The following NCAPG2 variants were observed in gnomAD, a reference collection of about 807,000 sequenced individuals.
NCAPG2 encodes the protein condensin-2 complex subunit G2.
NCAPG2 carries 53 observed loss-of-function variants against 141.1 expected under a neutral mutation model. The observed-to-expected ratio is 0.38, with a 90% CI of 0.30 to 0.47. The LOEUF (loss-of-function observed/expected upper bound fraction) is 0.47. NCAPG2 is among the 20% of genes least tolerant of loss of function. The pLI is 0.99. For synonymous variants in NCAPG2, 499 were observed against 490.7 expected, an observed-to-expected ratio of 1.02 and a Z score of -0.22; for missense variants, 1,087 against 1,389.0, an observed-to-expected ratio of 0.78 and a Z score of 3.46.
intron 2 of NCAPG2, among the ~76,000 whole-genome samples, chr7:158,700,992 CCA>C (rs1292947445): frequency 1.3e-5 from 2 of 152,210 alleles, no homozygotes; most frequent in African/African-American, 4.8e-5. Context: ...CCCCTGGTAT[CCA>C]GACGTGCATG....
intron 14 of NCAPG2, 59 bp downstream of exon 14, chr7:158,664,469 T>C (rs1832766262): frequency 1.9e-6 from 3 of 1,571,118 alleles, no homozygotes; most frequent in Non-Finnish European, 2.6e-6. Context: ...ACTCTGTAAT[T>C]TGTATTATGC....
At chr7:158,687,584 C>A in intron 6 of NCAPG2, 142 bp from the exon 7 acceptor site, 1 of 619,350 alleles carries the variant, frequency 1.6e-6, no homozygotes, top group South Asian at 2.0e-5. Context: ...AGAGCACATG[C>A]ACGAGTTGAG....
At chr7:158,686,326 T>C (rs1587272590) in intron 7 of NCAPG2, 85 bp from the exon 8 acceptor site, 3 of 754,230 alleles carry the variant, frequency 4.0e-6, no homozygotes, top group South Asian at 2.2e-5. Flanking sequence ...TCTCCAACCA[T>C]AGTGAAGAAG....
chr7:158,679,960 A>C lies in NCAPG2; in HGVS notation c.1146T>G (p.Tyr382Ter). 1.9e-6 allele frequency: 3 copies of C among 1,614,084 alleles called. No individual in the cohort carries two copies. Among genetic ancestry groups the C allele is most frequent in the Non-Finnish European group, 2.5e-6 (3 of 1,179,972 alleles). Reference sequence around the variant, plus strand: ...AAGCTTGACCACCTGAAGTACGTACATAGAGCTCTTCAAACTGTTTCTGGA... The same window carrying C: ...AAGCTTGACCACCTGAAGTACGTACCTAGAGCTCTTCAAACTGTTTCTGGA... Reference protein sequence around the residue: ...SEIQKQFEELYSLLEDPYPMV... With the variant: ...SEIQKQFEEL Residue 382 changes from tyrosine to a stop codon, truncating the protein, a stop_gained and splice_region_variant, in exon 11 of 28, where the codon TAT (tyrosine) becomes TAG (stop). Transcript: ENST00000356309. LOFTEE classifies it high-confidence loss of function.
chr7:158,672,282 GTGTGTGTGTGTATATATATATATA>G (rs1231015523), intron 12 of NCAPG2, among the ~76,000 whole-genome samples: 8 of 21,060 alleles, frequency 3.8e-4, no homozygotes, highest in South Asian at 4.1e-3. Flanking sequence ...AAACACATGT[GTGTGTGTGTGTATATATATATATA>G]TATATATATA....
At position 158,680,004 on chromosome 7, in the gene NCAPG2, T is replaced by C. The variant is rs749084114; in HGVS notation, c.1102A>G (p.Ile368Val). The C allele has an allele frequency of 5.0e-6, 8 of 1,614,176 alleles. No individual in the cohort carries two copies. The Admixed American group carries it at 8.3e-5, about 17-fold the overall frequency. ...FPIRDPNLHAIEMDSEIQKQF... is the reference protein window; with the variant it reads ...FPIRDPNLHAVEMDSEIQKQF... Reference sequence around the variant, plus strand: ...TTCTGGATTTCACTATCCATTTCAATAGCATGAAGGTTTGGATCCCTAATA... The same window carrying C: ...TTCTGGATTTCACTATCCATTTCAACAGCATGAAGGTTTGGATCCCTAATA... Residue 368 changes from isoleucine to valine, a missense_variant, in exon 11 of 28, where the codon ATT becomes GTT. By Grantham distance (29) the Ile-to-Val change is conservative. Transcript: ENST00000356309.
chr7:158,664,195 C>G lies in NCAPG2; in HGVS notation c.1804G>C (p.Glu602Gln), dbSNP rs1041716577. Residue 602 changes from glutamate to glutamine, a missense_variant, in exon 15 of 28, where the codon GAG (glutamate) becomes CAG (glutamine). Transcript: ENST00000356309. ...CCTGTTCTACTCACAGTCACATTCTCCTTCTCCCTTCCGTCCTCTTCCTCC... is the reference window on the plus strand; with the variant it reads ...CCTGTTCTACTCACAGTCACATTCTGCTTCTCCCTTCCGTCCTCTTCCTCC... Reference protein sequence around the residue: ...DEEEEDGREKENVTVLDKTLS... With the variant: ...DEEEEDGREKQNVTVLDKTLS... 3.1e-6 allele frequency: 5 copies of G among 1,608,728 alleles called. No individual in the cohort carries two copies. The East Asian group carries it at 1.1e-4, about 36-fold the overall frequency.
chr7:158,702,139 CATG>C (rs1835840888), intron 1 of NCAPG2: 5 of 411,024 alleles, frequency 1.2e-5, no homozygotes, highest in South Asian at 3.9e-5. Context: ...ATGTGAATAA[CATG>C]ATATTAATGA....
chr7:158,653,034 T>C (rs1416639784), intron 22 of NCAPG2, among the ~76,000 whole-genome samples: 1 of 152,182 alleles, frequency 6.6e-6, no homozygotes, highest in Non-Finnish European at 1.5e-5. Context: ...ATCATTAAGC[T>C]TAAGTATAAA....
chr7:158,639,483 G>A (rs928971259), intron 27 of NCAPG2, among the ~76,000 whole-genome samples: 18 of 152,252 alleles, frequency 1.2e-4, no homozygotes, highest in African/African-American at 3.9e-4. Context: ...ATATCTCAAT[G>A]AGTAAATTCT....
chr7:158,638,113 C>G (rs151178731), intron 27 of NCAPG2, among the ~76,000 whole-genome samples: 1 of 152,338 alleles, frequency 6.6e-6, no homozygotes, highest in East Asian at 1.9e-4. Flanking sequence ...CACTGCACTA[C>G]AGCCTGCATA....
At chr7:158,642,922 G>A (rs568476041) in intron 27 of NCAPG2, among the ~76,000 whole-genome samples, 50 of 151,974 alleles carry the variant, frequency 3.3e-4, no homozygotes, top group Admixed American at 2.4e-3. Context: ...TTACAGAAGC[G>A]TGCCACCACA....
chr7:158,682,609 T>G (rs1563563687), intron 9 of NCAPG2, among the ~76,000 whole-genome samples: 1 of 152,214 alleles, frequency 6.6e-6, no homozygotes, highest in South Asian at 2.1e-4. Context: ...TTTATTCACT[T>G]GGTTTCTTGA....
chr7:158,638,309 G>A (rs961732854), intron 27 of NCAPG2, among the ~76,000 whole-genome samples: 23 of 152,120 alleles, frequency 1.5e-4, no homozygotes, highest in Non-Finnish European at 2.1e-4. Flanking sequence ...GTGCGGTGGC[G>A]CAATCTCAAC....
At chr7:158,667,517 C>T (rs1219130338) in intron 13 of NCAPG2, among the ~76,000 whole-genome samples, 16 of 68,860 alleles carry the variant, frequency 2.3e-4, no homozygotes, top group Non-Finnish European at 3.9e-4. Flanking sequence ...TGGGTCCCTC[C>T]GCCCTCCTTA....
At chr7:158,674,165 C>T (rs1169053248) in intron 12 of NCAPG2, among the ~76,000 whole-genome samples, 1 of 152,148 alleles carries the variant, frequency 6.6e-6, no homozygotes, top group African/African-American at 2.4e-5. Context: ...CTCAGAATAT[C>T]TTTCTCTGCA....
rs1360554570 is a variant in NCAPG2, at chr7:158,661,064, T to G, written c.1989+1130A>C. ...TTCATAAATTACCCAGTCTCAGGTATGTCTTTATCAGCAGCATGAAAACAG... is the reference window on the plus strand; with the variant it reads ...TTCATAAATTACCCAGTCTCAGGTAGGTCTTTATCAGCAGCATGAAAACAG... On this transcript the variant is annotated intron_variant, in intron 16 of 27. Transcript: ENST00000356309. Among the ~76,000 whole-genome samples the G allele has an allele frequency of 2.6e-5, 4 of 152,306 alleles. No individual in the cohort carries two copies. In the East Asian group the frequency reaches 7.7e-4, roughly 29 times the overall value.
intron 27 of NCAPG2, among the ~76,000 whole-genome samples, chr7:158,639,319 G>A (rs1255528876): frequency 6.6e-6 from 1 of 152,050 alleles, no homozygotes; most frequent in African/African-American, 2.4e-5. Context: ...CATTGCCCAG[G>A]CTGGTTGCGA....
At chr7:158,661,682 G>T (rs761770061) in intron 16 of NCAPG2, among the ~76,000 whole-genome samples, 4 of 152,162 alleles carry the variant, frequency 2.6e-5, no homozygotes, top group Non-Finnish European at 5.9e-5. Context: ...AAAACATCAT[G>T]TTGAACACAA....
Sources: gnomAD v4.1 joint callset for allele counts (sites outside exome capture counted in the v4.1 genomes callset) on GRCh38, gnomAD v4.1.1 for gene constraint, MANE v1.5 for transcripts, NCBI Gene and HGNC (gene_info 2026-07-23, HGNC 2026-07-21) for gene names.